The following REPS1 variants were observed in gnomAD, a reference collection of about 807,000 sequenced individuals.
REPS1 encodes RALBP1 associated Eps domain containing 1.
Under a neutral mutation model 100.9 loss-of-function variants are expected in REPS1, and 39 were observed. That is an observed-to-expected ratio of 0.39 (90% CI 0.30 to 0.50). The LOEUF (loss-of-function observed/expected upper bound fraction) is 0.50, where lower values mean the gene tolerates loss of function less well. Ranked by LOEUF, REPS1 falls within the 20% of genes least tolerant of loss-of-function variation. REPS1 has a pLI of 0.86. For missense variants in REPS1, 821 were observed against 968.5 expected, an observed-to-expected ratio of 0.85 and a Z score of 2.02; for synonymous variants, 324 against 340.3, an observed-to-expected ratio of 0.95 and a Z score of 0.53.
chr6:138,982,728 A>C (rs1290401294), intron 1 of REPS1, among the ~76,000 whole-genome samples: 1 of 152,226 alleles, frequency 6.6e-6, no homozygotes, highest in Non-Finnish European at 1.5e-5. Context: ...GCACTCCTTC[A>C]CTTTGTCTAT....
At chr6:138,943,046 C>T (rs6914274) in intron 7 of REPS1, among the ~76,000 whole-genome samples, 2 of 152,124 alleles carry the variant, frequency 1.3e-5, no homozygotes, top group Non-Finnish European at 2.9e-5. Flanking sequence ...CCGCACCCGG[C>T]CCTGGCCTAT....
Position 138,912,807 on chromosome 6 carries a change from G to A in REPS1, c.1929C>T (p.Asp643=), listed in dbSNP as rs151207394. ...FEVFAASNVN[D]EQDDEAEKHP... Reference sequence around the variant, plus strand: ...GTTTCTCGGCTTCATCATCTTGTTCGTCGTTTACATTTGATGCAGCAAATA... The same window carrying A: ...GTTTCTCGGCTTCATCATCTTGTTCATCGTTTACATTTGATGCAGCAAATA... The change falls in exon 16 of 20, where the codon GAC becomes GAT. Residue 643 remains aspartate (D), a synonymous_variant. Coordinates refer to ENST00000450536, the MANE Select transcript of REPS1 (RefSeq NM_001286611.2). 9 of 1,614,080 alleles carry A rather than the reference G, an allele frequency of 5.6e-6. No individual in the cohort carries two copies. The highest frequency in any genetic ancestry group is 1.7e-5 in the Admixed American group (1 of 60,012).
At chr6:138,985,669 T>C (rs1785218922) in intron 1 of REPS1, among the ~76,000 whole-genome samples, 1 of 152,232 alleles carries the variant, frequency 6.6e-6, no homozygotes, top group African/African-American at 2.4e-5. Context: ...AACTGAACCC[T>C]GAATATTTAA....
intron 1 of REPS1, among the ~76,000 whole-genome samples, chr6:138,980,040 C>T (rs55888929): frequency 0.15 from 22,812 of 152,012 alleles, 2,012 homozygotes; most frequent in East Asian, 0.34. Context: ...ACGAAACAAT[C>T]CCCCCCAAAA....
At chr6:138,907,328 GT>G (rs1276978081) in intron 19 of REPS1, 166 bp downstream of exon 19, 6 of 485,822 alleles carry the variant, frequency 1.2e-5, no homozygotes, top group South Asian at 2.3e-5. Context: ...GTGTGTGTGT[GT>G]GTGTGTGTGT....
intron 5 of REPS1, 58 bp from the exon 6 acceptor site, chr6:138,944,073 AGATTGCTAG>A (rs1782445399): frequency 6.7e-7 from 1 of 1,484,708 alleles, no homozygotes. Flanking sequence ...ATATGGACCA[AGATTGCTAG>A]GTTATTTATC....
chr6:138,907,634 C>A (rs753395935), intron 18 of REPS1, 34 bp from the exon 19 acceptor site: 1 of 1,300,088 alleles, frequency 7.7e-7, no homozygotes, highest in South Asian at 1.2e-5. Context: ...AAACCCATAA[C>A]CTTCATTTCT....
rs1232593627 is a variant in REPS1, at chr6:138,979,195, AAAC to A, written c.153+8332_153+8334del. Among the ~76,000 whole-genome samples, 635 of 125,990 alleles carry A rather than the reference AAAC, an allele frequency of 5.0e-3. 51 individuals carry two copies. Among genetic ancestry groups the A allele is most frequent in the African/African-American group, 0.022 (528 of 24,104 alleles). 82.7% of individuals were successfully genotyped at this position (125,990 alleles called of 152,430 possible). A position where few individuals can be genotyped will look rare whatever the true frequency, so the allele number is the denominator to read the frequency against. ...GAATCCATCACAAAAAAAAAAAAAA[AAAC>A]AAAAAAAAAAAACTGAAGAAGTATC... On this transcript the variant is annotated intron_variant, in intron 1 of 19. Coordinates refer to ENST00000450536, the MANE Select transcript of REPS1 (RefSeq NM_001286611.2).
chr6:138,926,653 C>A lies in REPS1; in HGVS notation c.1258-172G>T. ...TCAACATTTTATATTTATTCTGGGT[C>A]ACTTGTAATGTAAGGTGAGGAGTTC... On this transcript the variant is annotated intron_variant, in intron 9 of 19. Coordinates refer to ENST00000450536, the MANE Select transcript of REPS1 (RefSeq NM_001286611.2). 7.0e-6 allele frequency: 4 copies of A among 569,820 alleles called. No individual in the cohort carries two copies. In the South Asian group the frequency reaches 7.9e-5, roughly 11 times the overall value. 35.3% of individuals were successfully genotyped at this position (569,820 alleles called of 1,614,324 possible). A position where few individuals can be genotyped will look rare whatever the true frequency, so the allele number is the denominator to read the frequency against.
At chr6:138,955,234 G>A (rs184252791) in intron 1 of REPS1, among the ~76,000 whole-genome samples, 1 of 152,118 alleles carries the variant, frequency 6.6e-6, no homozygotes, top group South Asian at 2.1e-4. Context: ...AGGATTGCTT[G>A]AGGCCAGCAT....
chr6:138,979,183 AAAAAAAAAAAAAAAC>A lies in REPS1; in HGVS notation c.153+8332_153+8346del, dbSNP rs1372140902. On this transcript the variant is annotated intron_variant, in intron 1 of 19. Coordinates refer to ENST00000450536, the MANE Select transcript of REPS1 (RefSeq NM_001286611.2). ...GCGACAGAGCGAGAATCCATCACAA[AAAAAAAAAAAAAAAC>A]AAAAAAAAAAAACTGAAGAAGTATC... 8.6e-5 allele frequency among the ~76,000 whole-genome samples: 12 copies of A among 139,376 alleles called. No homozygotes were observed. In the East Asian group the frequency reaches 2.6e-3, roughly 30 times the overall value. 91.4% of individuals were successfully genotyped at this position (139,376 alleles called of 152,430 possible).
chr6:138,931,419 A>T (rs1026567041), intron 8 of REPS1, among the ~76,000 whole-genome samples: 1 of 152,152 alleles, frequency 6.6e-6, no homozygotes, highest in African/African-American at 2.4e-5. Context: ...AAGTACTGAC[A>T]GTTGAAAAAG....
chr6:138,941,261 T>G, intron 8 of REPS1, 74 bp downstream of exon 8: 1 of 1,505,522 alleles, frequency 6.6e-7, no homozygotes, highest in Non-Finnish European at 9.1e-7. Flanking sequence ...AACCTCTATC[T>G]TGATTTTTCT....
intron 8 of REPS1, among the ~76,000 whole-genome samples, chr6:138,940,888 G>T (rs981889113): frequency 2.6e-5 from 4 of 152,026 alleles, no homozygotes; most frequent in African/African-American, 9.7e-5. Flanking sequence ...GAGTCTGCAG[G>T]AGAGAGCGTG....
At chr6:138,933,697 T>C (rs752211031) in intron 8 of REPS1, among the ~76,000 whole-genome samples, 4 of 152,232 alleles carry the variant, frequency 2.6e-5, no homozygotes, top group Non-Finnish European at 5.9e-5. Context: ...AATTTTTTCT[T>C]TAATTTTGGA....
At chr6:138,936,625 G>T (rs182241504) in intron 8 of REPS1, among the ~76,000 whole-genome samples, 7 of 136,462 alleles carry the variant, frequency 5.1e-5, no homozygotes, top group Non-Finnish European at 1.1e-4. Context: ...GTATGTTTGG[G>T]GGGGGGTAGA....
chr6:138,914,041 T>C (rs965672657), intron 15 of REPS1, among the ~76,000 whole-genome samples: 1 of 152,118 alleles, frequency 6.6e-6, no homozygotes, highest in African/African-American at 2.4e-5. Flanking sequence ...GGTAAACACA[T>C]CCAGAGAGAT....
At chr6:138,937,476 TA>T (rs1308441808) in intron 8 of REPS1, among the ~76,000 whole-genome samples, 1 of 152,174 alleles carries the variant, frequency 6.6e-6, no homozygotes, top group Non-Finnish European at 1.5e-5. Context: ...GGATTTCTAG[TA>T]AACTCTTCAT....
chr6:138,950,419 T>A (rs528246200), intron 1 of REPS1, among the ~76,000 whole-genome samples: 2 of 152,268 alleles, frequency 1.3e-5, no homozygotes, highest in East Asian at 3.9e-4. Context: ...AGTTCAAGGC[T>A]GCAGTAAGCT....
Sources: allele counts gnomAD v4.1 joint callset (sites outside exome capture counted in the v4.1 genomes callset), GRCh38; gene constraint gnomAD v4.1.1; transcripts MANE v1.5; gene names NCBI Gene and HGNC (gene_info 2026-07-23, HGNC 2026-07-21).